The following ZBED6 variants were observed in gnomAD, a reference collection of about 807,000 sequenced individuals.
ZBED6 encodes the protein zinc finger BED-type containing 6.
Under a neutral mutation model 58.4 loss-of-function variants are expected in ZBED6, and 40 were observed. The observed-to-expected ratio is 0.68, with a 90% CI of 0.53 to 0.89. The LOEUF (loss-of-function observed/expected upper bound fraction) is 0.89, where lower values mean the gene tolerates loss of function less well. ZBED6 is among the 40% of genes least tolerant of loss of function. The pLI is 0.00. For missense variants in ZBED6, 1,057 were observed against 1,003.9 expected, an observed-to-expected ratio of 1.05 and a Z score of -0.71; for synonymous variants, 439 against 350.6, an observed-to-expected ratio of 1.25 and a Z score of -2.82.
intron 7 of ZBED6, among the ~76,000 whole-genome samples, chr1:203,830,879 T>C (rs1195077927): frequency 6.6e-6 from 1 of 151,406 alleles, no homozygotes; most frequent in East Asian, 1.9e-4. Context: ...TAGGATTTTC[T>C]TCTGGAGCTT....
At chr1:203,806,510 C>G (rs573740000) in intron 1 of ZBED6, among the ~76,000 whole-genome samples, 22 of 152,226 alleles carry the variant, frequency 1.4e-4, no homozygotes, top group African/African-American at 5.3e-4. Flanking sequence ...ACCATGTTGG[C>G]CAGGCTGGTC....
intron 1 of ZBED6, among the ~76,000 whole-genome samples, chr1:203,811,623 A>G (rs546681161): frequency 5.9e-5 from 9 of 151,918 alleles, no homozygotes; most frequent in Non-Finnish European, 1.2e-4. Flanking sequence ...ATTCTTGTAC[A>G]TTAGCCTCCC....
At chr1:203,842,090 G>C (rs985679276) in intron 11 of ZBED6, among the ~76,000 whole-genome samples, 28 of 151,630 alleles carry the variant, frequency 1.8e-4, no homozygotes, top group African/African-American at 6.5e-4. Context: ...ATGGCGGCTG[G>C]GAAGAGGCGC....
exon 1 of ZBED6, chr1:203,797,558 A>G: frequency 1.3e-6 from 2 of 1,527,508 alleles, no homozygotes; most frequent in Non-Finnish European, 1.7e-6. Context: ...CAGTTTCTTC[A>G]CTCTCTCCTG....
intron 10 of ZBED6, among the ~76,000 whole-genome samples, chr1:203,839,826 CAG>C (rs1025990660): frequency 1.3e-5 from 2 of 151,994 alleles, no homozygotes; most frequent in Non-Finnish European, 2.9e-5. Flanking sequence ...TTTTTTGAGA[CAG>C]AGTCTCACTC....
intron 4 of ZBED6, among the ~76,000 whole-genome samples, chr1:203,828,814 C>T (rs1026449120): frequency 6.6e-6 from 1 of 152,124 alleles, no homozygotes; most frequent in African/African-American, 2.4e-5. Flanking sequence ...TGTGCTAGTG[C>T]TATAGAATTG....
exon 16 of ZBED6, chr1:203,851,111 A>C (rs140448559): frequency 1.9e-6 from 3 of 1,614,172 alleles, no homozygotes; most frequent in Non-Finnish European, 2.5e-6. Context: ...TGAAGCAGAA[A>C]ATCCTAGAGA....
chr1:203,844,545 CTTTT>C (rs1687357920), intron 11 of ZBED6, among the ~76,000 whole-genome samples: 1 of 152,162 alleles, frequency 6.6e-6, no homozygotes, highest in African/African-American at 2.4e-5. Context: ...TTAACCACTT[CTTTT>C]TATTTATTTT....
At chr1:203,841,567 A>G (rs1239840076) in intron 11 of ZBED6, among the ~76,000 whole-genome samples, 1 of 152,236 alleles carries the variant, frequency 6.6e-6, no homozygotes, top group East Asian at 1.9e-4. Flanking sequence ...CTACACAGAC[A>G]CAGTAACAAT....
chr1:203,828,496 A>G (rs912960549), intron 4 of ZBED6, 74 bp downstream of exon 4: 2 of 1,506,620 alleles, frequency 1.3e-6, no homozygotes, highest in Non-Finnish European at 1.8e-6. Context: ...AGTACTTTTC[A>G]GACATTGACT....
At chr1:203,851,586 T>C (rs1377074223) in intron 16 of ZBED6, among the ~76,000 whole-genome samples, 2 of 152,156 alleles carry the variant, frequency 1.3e-5, no homozygotes, top group African/African-American at 2.4e-5. Flanking sequence ...TTCCTCGTCT[T>C]CCCAAAGTGC....
rs544098901 is a variant in ZBED6 at position 203,799,324 on chromosome 1, G to A, written c.1802G>A (p.Ser601Asn). ...CAGGACTTTTTCTGCGAGCACAAAA[G>A]CATTGAGAATATGTTAGTGGCTGCC... The change falls in exon 1 of 17, where the codon AGC (serine) becomes AAC (asparagine). Residue 601 changes from serine (S) to asparagine (N), a missense_variant. Physicochemically the swap from Ser to Asn is conservative, Grantham distance 46. Transcript: ENST00000550078. The A allele has an allele frequency of 3.1e-5, 22 of 708,892 alleles. No homozygotes were observed. The East Asian group carries it at 4.8e-4, about 16-fold the overall frequency. The allele number at this position is 708,892 out of a possible 1,614,324, so 43.9% of individuals were successfully genotyped here. A position where few individuals can be genotyped will look rare whatever the true frequency, so the allele number is the denominator to read the frequency against.
In ZBED6 at chr1:203,823,488, A is replaced by T. The variant is rs77291589; in HGVS notation, c.*2873+4799A>T. On this transcript the variant is annotated intron_variant, in intron 3 of 16. Transcript: ENST00000550078. ...TTCCAGACTCCCAGAAGGAAGGCAGATGTTCAGCATTAACCATATTGTTTG... is the reference window on the plus strand; with the variant it reads ...TTCCAGACTCCCAGAAGGAAGGCAGTTGTTCAGCATTAACCATATTGTTTG... 4.9e-4 allele frequency among the ~76,000 whole-genome samples: 74 copies of T among 152,366 alleles called. No individual in the cohort carries two copies. The East Asian group carries it at 0.013, about 26-fold the overall frequency.
intron 9 of ZBED6, chr1:203,836,020 C>G (rs1442119896): frequency 6.5e-6 from 1 of 154,108 alleles, no homozygotes; most frequent in Non-Finnish European, 1.5e-5. Flanking sequence ...GAGTACAAAC[C>G]AAACCAGGGT....
At chr1:203,836,017 A>G (rs1684211890) in intron 9 of ZBED6, 5 of 154,458 alleles carry the variant, frequency 3.2e-5, no homozygotes, top group South Asian at 4.1e-4. Context: ...TTAGAGTACA[A>G]ACCAAACCAG....
intron 11 of ZBED6, among the ~76,000 whole-genome samples, chr1:203,845,932 G>T (rs1687768656): frequency 6.6e-6 from 1 of 151,912 alleles, no homozygotes; most frequent in Non-Finnish European, 1.5e-5. Context: ...ACTCCAAGTA[G>T]AGGGAATAGT....
intron 3 of ZBED6, among the ~76,000 whole-genome samples, chr1:203,825,527 C>T (rs1343700173): frequency 1.4e-5 from 2 of 147,980 alleles, no homozygotes; most frequent in East Asian, 2.0e-4. Context: ...TTCCACCTCC[C>T]GGGTTCAAGT....
At chr1:203,810,432 T>G (rs1303509218) in intron 1 of ZBED6, among the ~76,000 whole-genome samples, 2 of 151,448 alleles carry the variant, frequency 1.3e-5, no homozygotes, top group East Asian at 3.9e-4. Flanking sequence ...GGTTTTTTTT[T>G]TTTTTGAGAC....
At chr1:203,847,004 TA>T (rs201111472) in intron 11 of ZBED6, among the ~76,000 whole-genome samples, 179 bp from the exon 12 acceptor site, 8,944 of 143,982 alleles carry the variant, frequency 0.062, 782 homozygotes, top group East Asian at 0.4. Flanking sequence ...GACTCTGTCT[TA>T]AAAAAAAAAA....
Sources: allele counts gnomAD v4.1 joint callset (sites outside exome capture counted in the v4.1 genomes callset), GRCh38; gene constraint gnomAD v4.1.1; transcripts MANE v1.5; gene names NCBI Gene and HGNC (gene_info 2026-07-23, HGNC 2026-07-21).